The following ACTN2 variants were observed in gnomAD, a reference collection of about 807,000 sequenced individuals.
ACTN2 encodes actinin alpha 2, also known as alpha-actinin-2.
In ACTN2, 39 loss-of-function variants were observed where a neutral mutation model predicts 113.8. The observed-to-expected ratio is 0.34, with a 90% confidence interval of 0.27 to 0.45. ACTN2 has a LOEUF of 0.45. Among genes scored for constraint, ACTN2 ranks in the 20% least tolerant of loss-of-function variants. The pLI, the probability that ACTN2 is intolerant of heterozygous loss-of-function variation, is 1.00. For missense variants in ACTN2, 992 were observed against 1,177.9 expected (o/e 0.84, Z 2.31); for synonymous variants, 429 against 444.1 (o/e 0.97, Z 0.43).
chr1:236,753,375 G>C (rs970226061), intron 15 of ACTN2, among the ~76,000 whole-genome samples: 3 of 152,156 alleles, frequency 2.0e-5, no homozygotes, highest in Non-Finnish European at 4.4e-5. Flanking sequence ...TTTGGAGTAG[G>C]GCTGAGTGTA....
chr1:236,752,888 T>A lies in ACTN2; in HGVS notation c.1840-1059T>A, dbSNP rs372867980. On this transcript the variant is annotated intron_variant, in intron 15 of 20. Transcript: ENST00000366578. ...CATTTTTTAAAGTGAGACAAACTTT[T>A]CTCCCATCAGTAAGTTATAAAGCAA... Among the ~76,000 whole-genome samples, 9 of 152,068 alleles carry A rather than the reference T, an allele frequency of 5.9e-5. No homozygotes were observed. In the East Asian group the frequency reaches 9.6e-4, roughly 16 times the overall value.
intron 1 of ACTN2, among the ~76,000 whole-genome samples, chr1:236,705,397 A>G (rs1264824185): frequency 6.6e-6 from 1 of 152,218 alleles, no homozygotes; most frequent in African/African-American, 2.4e-5. Context: ...ATGTTCTTCA[A>G]CTCATTAATG....
chr1:236,688,412 G>A (rs1475486369), intron 1 of ACTN2, among the ~76,000 whole-genome samples: 2 of 151,766 alleles, frequency 1.3e-5, no homozygotes, highest in Non-Finnish European at 2.9e-5. Context: ...TAGCAGGATA[G>A]AGGTAATGAC....
At chr1:236,703,489 A>G (rs961953642) in intron 1 of ACTN2, among the ~76,000 whole-genome samples, 4 of 95,740 alleles carry the variant, frequency 4.2e-5, no homozygotes, top group African/African-American at 1.7e-4. Flanking sequence ...TTAGACTTTG[A>G]TTCTAAAGAT....
At chr1:236,701,484 G>T (rs1657673854) in intron 1 of ACTN2, among the ~76,000 whole-genome samples, 1 of 152,182 alleles carries the variant, frequency 6.6e-6, no homozygotes, top group Non-Finnish European at 1.5e-5. Flanking sequence ...TGTGACTGGA[G>T]GGCTGTGGGG....
Position 236,744,742 on chromosome 1 carries a change from G to T in ACTN2, c.1372G>T (p.Val458Leu). The change falls in exon 12 of 21, where the codon GTG becomes TTG. Residue 458 changes from valine to leucine, a missense_variant. Coordinates refer to ENST00000366578, the MANE Select transcript of ACTN2 (RefSeq NM_001103.4). ...CGACCTGGCAGCGCACCAGGACCGC[G>T]TGGAGCAGATCGCAGCCATCGCGCA... ...ESDLAAHQDR[V>L]EQIAAIAQEL... 6.2e-7 allele frequency: 1 copy of T among 1,614,194 alleles called. No individual in the cohort carries two copies. The highest frequency in any genetic ancestry group is 8.5e-7 in the Non-Finnish European group (1 of 1,180,034).
chr1:236,760,974 T>G (rs1446586782), intron 19 of ACTN2, 41 bp from the exon 20 acceptor site: 2 of 1,614,020 alleles, frequency 1.2e-6, no homozygotes, highest in South Asian at 1.1e-5. Context: ...TTGAGAGTTG[T>G]GTACCGTTCG....
chr1:236,721,866 T>C (rs1157402972), intron 4 of ACTN2, among the ~76,000 whole-genome samples: 9 of 152,212 alleles, frequency 5.9e-5, no homozygotes, highest in Non-Finnish European at 1.3e-4. Flanking sequence ...TTAGTGATAA[T>C]ATGAATTCAA....
chr1:236,743,021 A>G lies in ACTN2; in HGVS notation c.1233A>G (p.Ser411=), dbSNP rs1659120077. The G allele has an allele frequency of 6.2e-7, 1 of 1,614,196 alleles. No individual in the cohort carries two copies. The change falls in exon 11 of 21, where the codon TCA becomes TCG. Residue 411 remains serine, a synonymous_variant. Coordinates refer to ENST00000366578, the MANE Select transcript of ACTN2 (RefSeq NM_001103.4). Reference sequence around the variant, plus strand: ...CTGAGAAGTTCAGGCAGAAGGCCTCAACGCACGAGACTTGGGCTTATGGTA... The same window carrying G: ...CTGAGAAGTTCAGGCAGAAGGCCTCGACGCACGAGACTTGGGCTTATGGTA... ...HLAEKFRQKA[S]THETWAYGKE...
chr1:236,711,835 G>A (rs1450000461), intron 1 of ACTN2, among the ~76,000 whole-genome samples: 2 of 152,164 alleles, frequency 1.3e-5, no homozygotes, highest in African/African-American at 2.4e-5. Flanking sequence ...AGGTAGAGGA[G>A]GCTTTAAGTT....
chr1:236,757,773 G>A (rs1002625593), intron 18 of ACTN2, 141 bp downstream of exon 18: 2 of 1,203,060 alleles, frequency 1.7e-6, no homozygotes, highest in Non-Finnish European at 2.4e-6. Context: ...AAAGAAAATA[G>A]CCACCAAAAC....
intron 1 of ACTN2, among the ~76,000 whole-genome samples, chr1:236,716,106 T>G (rs1318452712): frequency 6.6e-6 from 1 of 151,634 alleles, no homozygotes; most frequent in Non-Finnish European, 1.5e-5. Context: ...CTTCTTTTTT[T>G]TTTTTTTTTT....
At chr1:236,753,519 G>A (rs2102941991) in intron 15 of ACTN2, among the ~76,000 whole-genome samples, 1 of 152,242 alleles carries the variant, frequency 6.6e-6, no homozygotes, top group South Asian at 2.1e-4. Flanking sequence ...ATAAACAAAG[G>A]GAGTGCTACA....
chr1:236,746,274 A>G (rs1187095924), intron 12 of ACTN2, among the ~76,000 whole-genome samples: 2 of 151,880 alleles, frequency 1.3e-5, no homozygotes, highest in African/African-American at 2.4e-5. Flanking sequence ...CTAATCCTGG[A>G]CTGTTTTTGA....
At chr1:236,732,686 A>G (rs561240780) in intron 7 of ACTN2, among the ~76,000 whole-genome samples, 3 of 152,086 alleles carry the variant, frequency 2.0e-5, no homozygotes, top group Non-Finnish European at 2.9e-5. Flanking sequence ...CAGGTGATCC[A>G]CCTACTTCGG....
chr1:236,706,563 T>C (rs952958847), intron 1 of ACTN2, among the ~76,000 whole-genome samples: 3 of 152,176 alleles, frequency 2.0e-5, no homozygotes, highest in African/African-American at 7.2e-5. Flanking sequence ...GCAGAGTTTG[T>C]TGGGGGAGAA....
At chr1:236,711,327 T>C (rs1214053975) in intron 1 of ACTN2, among the ~76,000 whole-genome samples, 1 of 152,140 alleles carries the variant, frequency 6.6e-6, no homozygotes, top group African/African-American at 2.4e-5. Context: ...CTGTGGTGGG[T>C]GGTAAGGACT....
At chr1:236,733,489 T>G (rs1393745391) in intron 7 of ACTN2, among the ~76,000 whole-genome samples, 1 of 152,206 alleles carries the variant, frequency 6.6e-6, no homozygotes, top group African/African-American at 2.4e-5. Context: ...TTCCTCCTCC[T>G]CATCTTCCAT....
chr1:236,721,719 T>G (rs1282041139), intron 4 of ACTN2, among the ~76,000 whole-genome samples: 1 of 152,224 alleles, frequency 6.6e-6, no homozygotes, highest in African/African-American at 2.4e-5. Flanking sequence ...ATATTTAAAC[T>G]GTTGAACCCA....
Sources: gnomAD v4.1 joint callset for allele counts (sites outside exome capture counted in the v4.1 genomes callset) on GRCh38, gnomAD v4.1.1 for gene constraint, MANE v1.5 for transcripts, NCBI Gene and HGNC (gene_info 2026-07-23, HGNC 2026-07-21) for gene names.